The following PPM1H variants were observed in gnomAD, a reference collection of about 807,000 sequenced individuals.
PPM1H encodes the protein protein phosphatase 1H.
In PPM1H, 27 loss-of-function variants were observed where a neutral mutation model predicts 54.9. The observed-to-expected ratio is 0.49, with a 90% CI of 0.36 to 0.68. PPM1H has a LOEUF of 0.68. Ranked by LOEUF, PPM1H falls within the 30% of genes least tolerant of loss-of-function variation. The pLI is 0.00. For missense variants in PPM1H, 596 were observed against 667.8 expected (o/e 0.89, Z 1.19); for synonymous variants, 305 against 270.8 (o/e 1.13, Z -1.24).
rs1471347341 is a variant in PPM1H at position 62,935,050 on chromosome 12, C to T, written c.-314G>A. ...CTGCAGCTGCAGCAGGTCCCTTCCC[C>T]GCCCCCTGCGCTCGGCTCCGGCGTG... is the stretch of plus-strand genomic sequence containing the variant. On this transcript the variant is annotated 5_prime_UTR_variant, in exon 1 of 10. Transcript: ENST00000228705. The T allele has an allele frequency of 2.8e-5, 5 of 179,658 alleles. No homozygotes were observed. Among genetic ancestry groups the T allele is most frequent in the Non-Finnish European group, 3.5e-5 (3 of 86,388 alleles). 11.1% of individuals were successfully genotyped at this position (179,658 alleles called of 1,614,324 possible). A position where few individuals can be genotyped will look rare whatever the true frequency, so the allele number is the denominator to read the frequency against.
chr12:62,907,745 T>C (rs1871342313), intron 1 of PPM1H, among the ~76,000 whole-genome samples: 1 of 152,188 alleles, frequency 6.6e-6, no homozygotes, highest in African/African-American at 2.4e-5. Context: ...CTAAGTTTTC[T>C]ACTAGTCACA....
intron 1 of PPM1H, among the ~76,000 whole-genome samples, chr12:62,833,370 A>G (rs1254500577): frequency 6.6e-6 from 1 of 152,222 alleles, no homozygotes; most frequent in Non-Finnish European, 1.5e-5. Context: ...AAACCTTTTC[A>G]TTCTACAATA....
chr12:62,734,635 T>C (rs1249346844), intron 5 of PPM1H, among the ~76,000 whole-genome samples: 1 of 152,222 alleles, frequency 6.6e-6, no homozygotes, highest in Non-Finnish European at 1.5e-5. Flanking sequence ...GGTCCATTCT[T>C]GTAACATGAA....
At chr12:62,892,917 C>T (rs1391899559) in intron 1 of PPM1H, among the ~76,000 whole-genome samples, 7 of 152,200 alleles carry the variant, frequency 4.6e-5, no homozygotes, top group African/African-American at 7.2e-5. Flanking sequence ...ACATGCCATT[C>T]CTCCCATCAA....
intron 8 of PPM1H, among the ~76,000 whole-genome samples, chr12:62,674,586 T>C (rs2075975248): frequency 6.6e-6 from 1 of 152,166 alleles, no homozygotes; most frequent in Non-Finnish European, 1.5e-5. Flanking sequence ...CTTGATGTCA[T>C]GAAACAAACA....
chr12:62,703,569 C>T (rs951934956), intron 6 of PPM1H, among the ~76,000 whole-genome samples: 5 of 151,986 alleles, frequency 3.3e-5, no homozygotes, highest in Non-Finnish European at 4.4e-5. Flanking sequence ...TCTTGCCTTT[C>T]TATAACAAAA....
At chr12:62,857,727 A>AC (rs1168342643) in intron 1 of PPM1H, among the ~76,000 whole-genome samples, 1 of 152,072 alleles carries the variant, frequency 6.6e-6, no homozygotes, top group Non-Finnish European at 1.5e-5. Flanking sequence ...TGAAGGTCCT[A>AC]CTCAACCTTC....
chr12:62,825,516 AATGTGGCACATAT>A (rs541376024), intron 2 of PPM1H, among the ~76,000 whole-genome samples: 13 of 152,370 alleles, frequency 8.5e-5, no homozygotes, highest in East Asian at 5.8e-4. Context: ...GGATTAAGAA[AATGTGGCACATAT>A]ATACCACAGA....
At chr12:62,854,725 C>T (rs1034049991) in intron 1 of PPM1H, among the ~76,000 whole-genome samples, 9 of 151,398 alleles carry the variant, frequency 5.9e-5, no homozygotes, top group African/African-American at 2.2e-4. Flanking sequence ...ATTTAACAGA[C>T]ATTGAGAGAA....
At chr12:62,910,676 G>C (rs1358062983) in intron 1 of PPM1H, among the ~76,000 whole-genome samples, 1 of 152,050 alleles carries the variant, frequency 6.6e-6, no homozygotes, top group Non-Finnish European at 1.5e-5. Flanking sequence ...ACGAAGGAAG[G>C]GCTTAGCAGT....
At chr12:62,711,885 G>A (rs1394649314) in intron 6 of PPM1H, among the ~76,000 whole-genome samples, 1 of 152,028 alleles carries the variant, frequency 6.6e-6, no homozygotes, top group African/African-American at 2.4e-5. Context: ...GTCTGTCTTG[G>A]CTTGCAACCA....
rs577190529 is a variant in PPM1H, at chr12:62,679,239, C to T, written c.1245+10460G>A. On this transcript the variant is annotated intron_variant, in intron 8 of 9. Transcript: ENST00000228705. ...TGACCTCGTGATCTGCCCGCCTCAG[C>T]CTCCCAAAGTGCTGGGATTACAGGC... Among the ~76,000 whole-genome samples the T allele has an allele frequency of 7.5e-4, 114 of 152,348 alleles. No homozygotes were observed. In the South Asian group the frequency reaches 0.024, roughly 32 times the overall value.
intron 1 of PPM1H, among the ~76,000 whole-genome samples, chr12:62,836,626 A>T (rs925399846): frequency 4.6e-5 from 7 of 152,112 alleles, no homozygotes; most frequent in Admixed American, 4.6e-4. Flanking sequence ...ACTTATTAAG[A>T]TTGTGTGTGT....
At chr12:62,857,041 A>C (rs946717269) in intron 1 of PPM1H, among the ~76,000 whole-genome samples, 1 of 152,220 alleles carries the variant, frequency 6.6e-6, no homozygotes, top group Non-Finnish European at 1.5e-5. Context: ...GTAGTTTATG[A>C]ATCAGACTCA....
At chr12:62,673,748 C>T (rs1218460553) in intron 8 of PPM1H, among the ~76,000 whole-genome samples, 1 of 33,928 alleles carries the variant, frequency 2.9e-5, no homozygotes, top group East Asian at 1.3e-3. Context: ...TTTTTTGAGA[C>T]AGGGTCTTGC....
rs568410058 is a variant in PPM1H, at chr12:62,677,353, G to A, written c.1246-10024C>T. On this transcript the variant is annotated intron_variant, in intron 8 of 9. Transcript: ENST00000228705. ...AAACACGCCTCCCTCTTGCCACACTGCAGGCAATGAGGAGGAGAGAAGAGA... is the reference window on the plus strand; with the variant it reads ...AAACACGCCTCCCTCTTGCCACACTACAGGCAATGAGGAGGAGAGAAGAGA... Among the ~76,000 whole-genome samples, 3 of 152,344 alleles carry A rather than the reference G, an allele frequency of 2.0e-5. No homozygotes were observed. In the South Asian group the frequency reaches 6.2e-4, roughly 32 times the overall value.
At chr12:62,842,309 G>T (rs536485861) in intron 1 of PPM1H, among the ~76,000 whole-genome samples, 2 of 151,548 alleles carry the variant, frequency 1.3e-5, no homozygotes, top group South Asian at 4.1e-4. Context: ...CAGTACTATC[G>T]GCAATGTGAG....
At chr12:62,746,204 A>C (rs367939520) in intron 4 of PPM1H, among the ~76,000 whole-genome samples, 7 of 152,234 alleles carry the variant, frequency 4.6e-5, no homozygotes, top group Admixed American at 1.3e-4. Context: ...CAAAAAAAAA[A>C]CAAAAACAAA....
rs142073324 is a variant in PPM1H, at chr12:62,674,305, T to C, written c.1246-6976A>G. ...AGTGACTGGAGCTCTCAATAGTGTTTCCTGGCAGAAATAGCCAAGGTGGTT... is the reference window on the plus strand; with the variant it reads ...AGTGACTGGAGCTCTCAATAGTGTTCCCTGGCAGAAATAGCCAAGGTGGTT... On this transcript the variant is annotated intron_variant, in intron 8 of 9. Coordinates refer to ENST00000228705, the MANE Select transcript of PPM1H (RefSeq NM_020700.2). 3.4e-3 allele frequency among the ~76,000 whole-genome samples: 517 copies of C among 152,274 alleles called. 2 individuals are homozygous for C. Among genetic ancestry groups the C allele is most frequent in the Admixed American group, 6.2e-3 (95 of 15,296 alleles).
Sources: gnomAD v4.1 joint callset for allele counts (sites outside exome capture counted in the v4.1 genomes callset) on GRCh38, gnomAD v4.1.1 for gene constraint, MANE v1.5 for transcripts, NCBI Gene and HGNC (gene_info 2026-07-23, HGNC 2026-07-21) for gene names.